Variants in CC2D2A observed in about 807,000 individuals in gnomAD.
CC2D2A encodes the protein coiled-coil and C2 domain containing 2A, also known as coiled-coil and C2 domain-containing protein 2A.
A neutral mutation model predicts 212.9 loss-of-function variants in CC2D2A; 155 were observed. That is an observed-to-expected ratio of 0.73 (90% CI 0.64 to 0.83). The LOEUF is 0.83. Ranked by LOEUF, CC2D2A falls within the 40% of genes least tolerant of loss-of-function variation. The pLI, the probability that CC2D2A is intolerant of heterozygous loss-of-function variation, is 0.00. For missense variants in CC2D2A, 1,856 were observed against 1,956.2 expected (o/e 0.95, Z 0.97); for synonymous variants, 667 against 686.5 (o/e 0.97, Z 0.44).
intron 7 of CC2D2A, 141 bp from the exon 8 acceptor site, chr4:15,511,106 A>C (rs986428026): frequency 2.7e-5 from 25 of 912,138 alleles, no homozygotes; most frequent in Non-Finnish European, 3.6e-5. Context: ...CAGTAGTCTC[A>C]CACCTTTAAC....
chr4:15,507,579 A>G (rs989269509), intron 6 of CC2D2A, among the ~76,000 whole-genome samples: 13 of 152,188 alleles, frequency 8.5e-5, no homozygotes, highest in African/African-American at 2.9e-4. Context: ...CACCCTCTGA[A>G]AGTTCACTGA....
At chr4:15,477,126 A>G (rs1714270401) in intron 2 of CC2D2A, among the ~76,000 whole-genome samples, 1 of 152,102 alleles carries the variant, frequency 6.6e-6, no homozygotes, top group South Asian at 2.1e-4. Flanking sequence ...AACATGGAGA[A>G]ACCCCATCTC....
intron 17 of CC2D2A, among the ~76,000 whole-genome samples, chr4:15,548,491 A>G (rs1718823177): frequency 2.0e-5 from 3 of 152,146 alleles, no homozygotes; most frequent in Middle Eastern, 3.4e-3. Flanking sequence ...TAAACAAGGT[A>G]CCACTCCGAA....
chr4:15,565,757 C>T (rs1483833320), intron 24 of CC2D2A, among the ~76,000 whole-genome samples: 1 of 152,098 alleles, frequency 6.6e-6, no homozygotes, highest in Non-Finnish European at 1.5e-5. Flanking sequence ...TACAGGTACA[C>T]ACCACCAAGC....
chr4:15,494,156 T>G (rs954202882), intron 4 of CC2D2A, among the ~76,000 whole-genome samples: 2 of 152,180 alleles, frequency 1.3e-5, no homozygotes, highest in African/African-American at 4.8e-5. Flanking sequence ...AAAGTCCTGT[T>G]TGGAGCCTCA....
chr4:15,554,301 C>G (rs1719164322), intron 19 of CC2D2A, among the ~76,000 whole-genome samples: 2 of 152,194 alleles, frequency 1.3e-5, no homozygotes, highest in Non-Finnish European at 2.9e-5. Flanking sequence ...TAATAAAGCC[C>G]CAGCTCAACC....
At chr4:15,532,653 A>G (rs575784287) in intron 13 of CC2D2A, among the ~76,000 whole-genome samples, 20 of 152,392 alleles carry the variant, frequency 1.3e-4, no homozygotes, top group African/African-American at 4.3e-4. Context: ...ATTTGTAAAA[A>G]GAACTTAAAG....
At chr4:15,526,302 A>G (rs1717508043) in intron 11 of CC2D2A, among the ~76,000 whole-genome samples, 1 of 152,190 alleles carries the variant, frequency 6.6e-6, no homozygotes, top group Admixed American at 6.5e-5. Flanking sequence ...CTTTTTCCTT[A>G]GCCTCCTATT....
chr4:15,546,790 G>A (rs1718732052), intron 17 of CC2D2A, among the ~76,000 whole-genome samples: 1 of 152,238 alleles, frequency 6.6e-6, no homozygotes, highest in African/African-American at 2.4e-5. Flanking sequence ...CTGGTAGGAA[G>A]TCGGGTGGCG....
At chr4:15,601,164 A>C in intron 36 of CC2D2A, 73 bp from the exon 37 acceptor site, 1 of 1,219,468 alleles carries the variant, frequency 8.2e-7, no homozygotes. Context: ...TCTTAATTGC[A>C]TACATTTACG....
intron 8 of CC2D2A, among the ~76,000 whole-genome samples, chr4:15,512,092 T>G (rs935227961): frequency 6.6e-6 from 1 of 152,240 alleles, no homozygotes; most frequent in African/African-American, 2.4e-5. Context: ...GAAATTGGAC[T>G]TTGGTGCGTT....
At position 15,567,732 on chromosome 4, in the gene CC2D2A, C is replaced by G. The variant is rs1719954534; in HGVS notation, c.3344C>G (p.Thr1115Ser). The G allele has an allele frequency of 6.2e-7, 1 of 1,605,712 alleles. No individual in the cohort carries two copies. The highest frequency in any genetic ancestry group is 2.2e-5 in the East Asian group (1 of 44,758). Residue 1115 changes from threonine to serine, a missense_variant, in exon 26 of 37, where the codon ACT (threonine) becomes AGT (serine). Transcript: ENST00000424120. ...VSFQRTVCHT[T>S]TAEGPNPSWN... ...TTTCAACGAACAGTTTGCCATACGACTACGGCTGAAGGACCAAACCCTAGC... is the reference window on the plus strand; with the variant it reads ...TTTCAACGAACAGTTTGCCATACGAGTACGGCTGAAGGACCAAACCCTAGC...
chr4:15,557,842 G>A (rs558692909), intron 21 of CC2D2A, among the ~76,000 whole-genome samples: 2 of 152,274 alleles, frequency 1.3e-5, no homozygotes, highest in African/African-American at 4.8e-5. Context: ...GCTAATTATT[G>A]AATGCCTTAG....
intron 24 of CC2D2A, among the ~76,000 whole-genome samples, chr4:15,566,426 G>A (rs1719883684): frequency 1.3e-5 from 2 of 152,128 alleles, no homozygotes; most frequent in African/African-American, 2.4e-5. Context: ...CTATCTGTGA[G>A]GGATTGAGGC....
chr4:15,570,623 G>A (rs1720114902), intron 28 of CC2D2A, 127 bp downstream of exon 28: 1 of 575,888 alleles, frequency 1.7e-6, no homozygotes, highest in East Asian at 3.1e-5. Flanking sequence ...GGGAGGCCAA[G>A]GAGGGCACAT....
intron 15 of CC2D2A, among the ~76,000 whole-genome samples, 177 bp from the exon 16 acceptor site, chr4:15,537,722 G>T (rs1262556364): frequency 6.6e-6 from 1 of 152,062 alleles, no homozygotes; most frequent in African/African-American, 2.4e-5. Flanking sequence ...GCTCCATTCT[G>T]TAGATGAAAA....
At position 15,563,491 on chromosome 4, in the gene CC2D2A, T is replaced by G; in HGVS notation, c.3151T>G (p.Tyr1051Asp). The change falls in exon 24 of 37, where the codon TAC (tyrosine) becomes GAC (aspartate). Residue 1051 changes from tyrosine to aspartate, a missense_variant. Tyr to Asp is a radical substitution (Grantham distance 160). Around this residue, in one of 5 missense-constraint regions of CC2D2A, gnomAD observed 1,512 missense variants for 1,579.3 expected, o/e 0.96. Coordinates refer to ENST00000424120, the MANE Select transcript of CC2D2A (RefSeq NM_001378615.1). Reference protein sequence around the residue: ...IKLLVNIVRAYDIPVRKPAVS... With the variant: ...IKLLVNIVRADDIPVRKPAVS... Reference sequence around the variant, plus strand: ...GCTGCTGGTGAACATTGTGCGAGCTTACGACATTCCAGTGAGGAAGCCGGC... The same window carrying G: ...GCTGCTGGTGAACATTGTGCGAGCTGACGACATTCCAGTGAGGAAGCCGGC... 1 of 1,612,542 alleles carries G rather than the reference T, an allele frequency of 6.2e-7. No homozygotes were observed. Among genetic ancestry groups the G allele is most frequent in the East Asian group, 2.2e-5 (1 of 44,762 alleles).
chr4:15,502,396 T>C, intron 4 of CC2D2A, 33 bp from the exon 5 acceptor site: 1 of 1,518,018 alleles, frequency 6.6e-7, no homozygotes, highest in Non-Finnish European at 8.9e-7. Flanking sequence ...TCTTTTTTTT[T>C]TATTTTGTTT....
rs1293657951 is a variant in CC2D2A at position 15,548,350 on chromosome 4, T to A, written c.2182-2474T>A. ...AGGAATAAGCCGCCTTCCACTGACG[T>A]CCTCAGAAACACCCTTTATGTGATC... On this transcript the variant is annotated intron_variant, in intron 17 of 36. Coordinates refer to ENST00000424120, the MANE Select transcript of CC2D2A (RefSeq NM_001378615.1). 9.9e-4 allele frequency among the ~76,000 whole-genome samples: 151 copies of A among 152,130 alleles called. 2 individuals carry two copies. The highest frequency in any genetic ancestry group is 4.4e-5 in the Non-Finnish European group (3 of 67,986).
Sources: allele counts gnomAD v4.1 joint callset (sites outside exome capture counted in the v4.1 genomes callset), GRCh38; gene constraint gnomAD v4.1.1; regional missense constraint gnomAD v4.1.1; transcripts MANE v1.5; gene names NCBI Gene and HGNC (gene_info 2026-07-23, HGNC 2026-07-21).